The following POLA1 variants were observed in gnomAD, a reference collection of about 807,000 sequenced individuals.
POLA1 encodes the protein DNA polymerase alpha catalytic subunit.
POLA1 carries 15 observed loss-of-function variants against 124.0 expected under a neutral mutation model. The observed-to-expected ratio is 0.12, with a 90% CI of 0.08 to 0.19. The LOEUF is 0.19. Among genes scored for constraint, POLA1 ranks in the 10% least tolerant of loss-of-function variants. The probability of loss-of-function intolerance (pLI) is 1.00; values close to 1 mark genes in which losing one functional copy is unlikely to be tolerated. For missense variants in POLA1, 886 were observed against 1,103.4 expected (o/e 0.80, Z 2.79); for synonymous variants, 408 against 389.4 (o/e 1.05, Z -0.56).
At chrX:24,726,583 G>A (rs1730081325) in intron 13 of POLA1, among the ~76,000 whole-genome samples, 2 of 112,556 alleles carry the variant, frequency 1.8e-5, no homozygotes, top group Admixed American at 9.4e-5. Context: ...TTTTCAATGA[G>A]TTCCACTCTG....
intron 32 of POLA1, among the ~76,000 whole-genome samples, chrX:24,833,209 T>G (rs2046292813): frequency 8.9e-6 from 1 of 112,041 alleles, no homozygotes; most frequent in African/African-American, 3.2e-5. Flanking sequence ...GTCTTCATTT[T>G]CATCCAGATT....
intron 26 of POLA1, among the ~76,000 whole-genome samples, chrX:24,772,450 G>C (rs2045057182): frequency 9.1e-6 from 1 of 109,984 alleles, no homozygotes; most frequent in Non-Finnish European, 1.9e-5. Context: ...AGGTAAACTT[G>C]TGTCATGGGG....
In POLA1 at chrX:24,740,738, A is replaced by G. The variant is rs937212617; in HGVS notation, c.2217-637A>G. Among the ~76,000 whole-genome samples, 3 of 111,003 alleles carry G rather than the reference A, an allele frequency of 2.7e-5. No individual in the cohort carries two copies. In the Admixed American group the frequency reaches 2.9e-4, roughly 11 times the overall value. On this transcript the variant is annotated intron_variant, in intron 20 of 36. Transcript: ENST00000379068. Reference sequence around the variant, plus strand: ...GCAGCTCAGGACTTTTGAATGTGCTATCCTGTCTGCCTGGAATGCTCTTTC... The same window carrying G: ...GCAGCTCAGGACTTTTGAATGTGCTGTCCTGTCTGCCTGGAATGCTCTTTC...
rs1344314898 is a variant in POLA1 at position 24,996,016 on chromosome X, C to G, written c.*66C>G. The G allele has an allele frequency of 3.0e-6, 3 of 1,007,237 alleles. No individual in the cohort carries two copies. The highest frequency in any genetic ancestry group is 2.2e-5 in the South Asian group (1 of 45,954). The allele number at this position is 1,007,237 out of a possible 1,213,427, so 83.0% of individuals were successfully genotyped here. ...TCCCAGCTTCCTCTGTGCCTCCACT[C>G]TGGCCCTAAATGCTCCTCCAGCATC... On this transcript the variant is annotated 3_prime_UTR_variant, in exon 37 of 37. Coordinates refer to ENST00000379068, the MANE Select transcript of POLA1 (RefSeq NM_001330360.2).
In POLA1 at chrX:24,739,559, C is replaced by T; in HGVS notation, c.2216+9C>T. On this transcript the variant is annotated intron_variant, in intron 20 of 36. Coordinates refer to ENST00000379068, the MANE Select transcript of POLA1 (RefSeq NM_001330360.2). The stretch of plus-strand genomic sequence containing the variant: ...ATACAAAATATGTACAGGTATGATC[C>T]TAGATTCTTCAGAATTCATCTGTCT... 9.2e-7 allele frequency: 1 copy of T among 1,089,444 alleles called. No individual in the cohort carries two copies. Among genetic ancestry groups the T allele is most frequent in the Non-Finnish European group, 1.3e-6 (1 of 792,581 alleles). 89.8% of individuals were successfully genotyped at this position (1,089,444 alleles called of 1,213,427 possible).
chrX:24,695,624 C>T (rs963996287), intron 1 of POLA1, among the ~76,000 whole-genome samples: 3 of 110,779 alleles, frequency 2.7e-5, no homozygotes, highest in African/African-American at 9.9e-5. Flanking sequence ...ATTACAGGTG[C>T]CCACCACCAC....
intron 34 of POLA1, among the ~76,000 whole-genome samples, chrX:24,860,700 G>C (rs893003150): frequency 8.9e-6 from 1 of 112,560 alleles, no homozygotes; most frequent in Non-Finnish European, 1.9e-5. Flanking sequence ...CTTTTTGTCA[G>C]ACCATCACTA....
chrX:24,785,451 G>T (rs763063105), intron 26 of POLA1, among the ~76,000 whole-genome samples: 6 of 111,612 alleles, frequency 5.4e-5, no homozygotes, highest in Non-Finnish European at 1.1e-4. Context: ...GGTATATCTG[G>T]ATACATACTA....
intron 36 of POLA1, among the ~76,000 whole-genome samples, chrX:24,987,749 G>A (rs769550172): frequency 1.8e-5 from 2 of 111,250 alleles, no homozygotes; most frequent in African/African-American, 3.3e-5. Flanking sequence ...CCCTGGAATC[G>A]TTGTAACTTT....
intron 4 of POLA1, among the ~76,000 whole-genome samples, chrX:24,710,322 A>G (rs1281157716): frequency 9.0e-6 from 1 of 111,469 alleles, no homozygotes; most frequent in South Asian, 3.8e-4. Context: ...TCAGCTTTCT[A>G]TCTTTATGGA....
At chrX:24,741,886 G>A (rs7050130) in intron 21 of POLA1, 116 bp from the exon 22 acceptor site, 4 of 494,798 alleles carry the variant, frequency 8.1e-6, no homozygotes, top group Non-Finnish European at 6.4e-6. Flanking sequence ...AAAAAAAGCA[G>A]ACCGTTATTA....
chrX:24,924,584 G>C (rs969497526), intron 35 of POLA1, among the ~76,000 whole-genome samples: 18 of 111,883 alleles, frequency 1.6e-4, no homozygotes, highest in African/African-American at 5.5e-4. Context: ...ACCTGGGGTG[G>C]GAGCTGTAGG....
Position 24,968,358 on chromosome X carries a change from G to A in POLA1, c.4262-27447G>A, listed in dbSNP as rs1354454468. 2.7e-5 allele frequency among the ~76,000 whole-genome samples: 3 copies of A among 111,333 alleles called. No homozygotes were observed. In the East Asian group the frequency reaches 8.4e-4, roughly 31 times the overall value. ...ATAAAAAATGAAATTACTAATAAAA[G>A]GTTAAGTGATACATTTAGCATACAT... On this transcript the variant is annotated intron_variant, in intron 36 of 36. Transcript: ENST00000379068.
intron 32 of POLA1, among the ~76,000 whole-genome samples, chrX:24,832,079 G>A (rs898841328): frequency 1.8e-5 from 2 of 111,811 alleles, no homozygotes; most frequent in Non-Finnish European, 3.8e-5. Context: ...GTGAAATAAA[G>A]GGTTATCAAA....
intron 26 of POLA1, among the ~76,000 whole-genome samples, chrX:24,785,685 A>G (rs2148459105): frequency 8.9e-6 from 1 of 112,238 alleles, no homozygotes; most frequent in Non-Finnish European, 1.9e-5. Context: ...TATTTAATTG[A>G]CAAAGATTAT....
rs1334865082 is a variant in POLA1 at position 24,715,861 on chromosome X, A to G, written c.526-501A>G. Reference sequence around the variant, plus strand: ...AATAGATTGAAGCCTGTCAATCTGCACAATCAGGTATAAGAGCCTTGTCTT... The same window carrying G: ...AATAGATTGAAGCCTGTCAATCTGCGCAATCAGGTATAAGAGCCTTGTCTT... On this transcript the variant is annotated intron_variant, in intron 6 of 36. Coordinates refer to ENST00000379068, the MANE Select transcript of POLA1 (RefSeq NM_001330360.2). Among the ~76,000 whole-genome samples the G allele has an allele frequency of 2.7e-5, 3 of 111,328 alleles. No individual in the cohort carries two copies. The Admixed American group carries it at 2.9e-4, about 11-fold the overall frequency.
At chrX:24,873,076 T>C (rs1440517120) in intron 34 of POLA1, among the ~76,000 whole-genome samples, 1 of 111,578 alleles carries the variant, frequency 9.0e-6, no homozygotes, top group African/African-American at 3.3e-5. Flanking sequence ...TTGAGGTTCA[T>C]TCTTGGTGCT....
At position 24,841,722 on chromosome X, in the gene POLA1, C is replaced by G; in HGVS notation, c.3807C>G (p.Gly1269=). 8.4e-7 allele frequency: 1 copy of G among 1,184,017 alleles called. No individual in the cohort carries two copies. Among genetic ancestry groups the G allele is most frequent in the South Asian group, 1.8e-5 (1 of 55,444 alleles). The change falls in exon 33 of 37, where the codon GGC becomes GGG. Residue 1269 remains glycine, a synonymous_variant. Coordinates refer to ENST00000379068, the MANE Select transcript of POLA1 (RefSeq NM_001330360.2). ...KDEENDALLG[G]PAQLTDEEKY... ...AAGAGAATGATGCTCTACTTGGTGG[C>G]CCAGCACAGCTCACTGATGAAGAGA...
At chrX:24,850,044 A>G (rs1360151222) in intron 34 of POLA1, among the ~76,000 whole-genome samples, 7 of 112,098 alleles carry the variant, frequency 6.2e-5, no homozygotes, top group Non-Finnish European at 1.1e-4. Context: ...AAGTGTTGAG[A>G]TTACAGGCGT....
Sources: gnomAD v4.1 joint callset for allele counts (sites outside exome capture counted in the v4.1 genomes callset) on GRCh38, gnomAD v4.1.1 for gene constraint, MANE v1.5 for transcripts, NCBI Gene and HGNC (gene_info 2026-07-23, HGNC 2026-07-21) for gene names.